Variants in TOMM20 observed in about 807,000 individuals in gnomAD.
TOMM20 encodes mitochondrial import receptor subunit TOM20 homolog.
In TOMM20, 10 loss-of-function variants were observed where a neutral mutation model predicts 22.1. The ratio of observed to expected loss-of-function variants is 0.45; its 90% CI spans 0.28 to 0.77. The LOEUF (loss-of-function observed/expected upper bound fraction) is 0.77, where lower values mean the gene tolerates loss of function less well. Ranked by LOEUF, TOMM20 falls within the 30% of genes least tolerant of loss-of-function variation. TOMM20 has a pLI of 0.13. For synonymous variants in TOMM20, 55 were observed against 61.4 expected, an observed-to-expected ratio of 0.90 and a Z score of 0.49; for missense variants, 121 against 172.2, an observed-to-expected ratio of 0.70 and a Z score of 1.66.
intron 1 of TOMM20, 59 bp downstream of exon 1, chr1:235,128,536 C>T (rs1027488456): frequency 6.2e-7 from 1 of 1,609,700 alleles, no homozygotes; most frequent in Non-Finnish European, 8.5e-7. Context: ...ATGACCCCTC[C>T]TGTGAAGGGC....
Position 235,111,212 on chromosome 1 carries a change from G to A in TOMM20, c.*852C>T, listed in dbSNP as rs1660733872. 6.6e-6 allele frequency: 1 copy of A among 152,052 alleles called. No individual in the cohort carries two copies. The highest frequency in any genetic ancestry group is 2.4e-5 in the African/African-American group (1 of 41,388). The allele number at this position is 152,052 out of a possible 1,614,324, so 9.4% of individuals were successfully genotyped here. ...TGCAAAATTCAGAATATAAAAAAAT[G>A]CAGGGCCTGGTTGCCCACATACATT... is the stretch of plus-strand genomic sequence containing the variant. On this transcript the variant is annotated 3_prime_UTR_variant, in exon 5 of 5. Coordinates refer to ENST00000366607, the MANE Select transcript of TOMM20 (RefSeq NM_014765.3).
Position 235,122,319 on chromosome 1 carries a change from C to G in TOMM20, c.168+7G>C, listed in dbSNP as rs547354170. 5.9e-6 allele frequency: 9 copies of G among 1,529,182 alleles called. No homozygotes were observed. The highest frequency in any genetic ancestry group is 7.0e-6 in the Non-Finnish European group (8 of 1,140,866). The allele number at this position is 1,529,182 out of a possible 1,614,324, so 94.7% of individuals were successfully genotyped here. ...ATATATAATTTAAACAGAAACCAGA[C>G]TATTACCTTGGAAAGCCCAGCTCTC... On this transcript the variant is annotated splice_region_variant and intron_variant, in intron 2 of 4. Transcript: ENST00000366607.
At chr1:235,122,269 G>A in intron 2 of TOMM20, 57 bp downstream of exon 2, 1 of 1,362,618 alleles carries the variant, frequency 7.3e-7, no homozygotes, top group African/African-American at 1.5e-5. Flanking sequence ...TCCAATTACA[G>A]ATTTTAAAAT....
chr1:235,116,964 T>C (rs1236289743), intron 3 of TOMM20, among the ~76,000 whole-genome samples: 5 of 147,838 alleles, frequency 3.4e-5, no homozygotes, highest in South Asian at 2.1e-4. Context: ...TGAAACCCCG[T>C]CTCTACTAAA....
intron 3 of TOMM20, among the ~76,000 whole-genome samples, chr1:235,118,044 C>G (rs1660863815): frequency 6.6e-6 from 1 of 152,218 alleles, no homozygotes; most frequent in Non-Finnish European, 1.5e-5. Context: ...AATCAAAAGA[C>G]TGGCTAAGTC....
At chr1:235,127,800 A>G (rs755365170) in intron 1 of TOMM20, 2 of 516,986 alleles carry the variant, frequency 3.9e-6, no homozygotes, top group Non-Finnish European at 3.9e-6. Context: ...GACCTCTCTT[A>G]AAAGATGTCG....
chr1:235,114,994 C>T (rs1372934016), intron 3 of TOMM20, among the ~76,000 whole-genome samples: 1 of 152,064 alleles, frequency 6.6e-6, no homozygotes, highest in African/African-American at 2.4e-5. Context: ...CTCAACCTCC[C>T]AAGTAGCTAG....
At chr1:235,112,289 A>G (rs1227738833) in intron 4 of TOMM20, among the ~76,000 whole-genome samples, 181 bp from the exon 5 acceptor site, 2 of 152,220 alleles carry the variant, frequency 1.3e-5, no homozygotes, top group Non-Finnish European at 2.9e-5. Flanking sequence ...CAATGATCAT[A>G]CTACTGACAA....
intron 4 of TOMM20, among the ~76,000 whole-genome samples, chr1:235,113,307 C>G (rs1017820699): frequency 6.6e-6 from 1 of 152,186 alleles, no homozygotes; most frequent in African/African-American, 2.4e-5. Context: ...ACCTCAGCAG[C>G]AGCAGAGGCA....
chr1:235,124,132 A>T (rs1572131410), intron 1 of TOMM20, among the ~76,000 whole-genome samples: 1 of 152,232 alleles, frequency 6.6e-6, no homozygotes, highest in Admixed American at 6.5e-5. Context: ...GGATCACTGG[A>T]GGTCAGGAGT....
chr1:235,128,739 A>G lies in TOMM20; in HGVS notation c.-24T>C, dbSNP rs200558639. 1 of 1,613,554 alleles carries G rather than the reference A, an allele frequency of 6.2e-7. No individual in the cohort carries two copies. Among genetic ancestry groups the G allele is most frequent in the Non-Finnish European group, 8.5e-7 (1 of 1,179,834 alleles). On this transcript the variant is annotated 5_prime_UTR_variant, in exon 1 of 5. Transcript: ENST00000366607. ...ATCTTCTCTACAACGCTGAGCGTGG[A>G]CGGTGGCGGCAGGGACCGCGAAGGA...
rs1454769081 is a variant in TOMM20, at chr1:235,109,986, T to C, written c.*2078A>G. The stretch of plus-strand genomic sequence containing the variant: ...GAATAGTGTTTGGCAATTACATTTC[T>C]GGGAGAAAAAACTGCTGATTTTTTC... On this transcript the variant is annotated 3_prime_UTR_variant, in exon 5 of 5. Transcript: ENST00000366607. 1 of 152,216 alleles carries C rather than the reference T, an allele frequency of 6.6e-6. No individual in the cohort carries two copies. The highest frequency in any genetic ancestry group is 1.5e-5 in the Non-Finnish European group (1 of 68,042). 9.4% of individuals were successfully genotyped at this position (152,216 alleles called of 1,614,324 possible).
intron 1 of TOMM20, chr1:235,127,895 G>T (rs756949647): frequency 1.9e-6 from 1 of 519,130 alleles, no homozygotes; most frequent in Non-Finnish European, 3.8e-6. Context: ...TCATATCTTG[G>T]AAGCACTTAG....
At chr1:235,123,872 C>T (rs1040549015) in intron 1 of TOMM20, among the ~76,000 whole-genome samples, 1 of 152,298 alleles carries the variant, frequency 6.6e-6, no homozygotes, top group South Asian at 2.1e-4. Flanking sequence ...TGCTAAATAT[C>T]GTGGTCTACA....
At chr1:235,119,067 T>A (rs1660882308) in intron 3 of TOMM20, among the ~76,000 whole-genome samples, 1 of 152,230 alleles carries the variant, frequency 6.6e-6, no homozygotes, top group Non-Finnish European at 1.5e-5. Flanking sequence ...TCTAAATCTA[T>A]TGATACAGCA....
intron 3 of TOMM20, among the ~76,000 whole-genome samples, chr1:235,116,931 C>G (rs191958632): frequency 0.014 from 2,076 of 150,014 alleles, 21 homozygotes; most frequent in Non-Finnish European, 0.021. Flanking sequence ...GTCAGGAGAT[C>G]GAGACCATCC....
intron 3 of TOMM20, among the ~76,000 whole-genome samples, chr1:235,114,773 T>C (rs1003468713): frequency 1.2e-4 from 18 of 152,264 alleles, no homozygotes; most frequent in African/African-American, 3.9e-4. Context: ...AGACATATTA[T>C]GTTTGAAAAA....
chr1:235,114,046 T>C lies in TOMM20; in HGVS notation c.251-136A>G. On this transcript the variant is annotated intron_variant, in intron 3 of 4. Coordinates refer to ENST00000366607, the MANE Select transcript of TOMM20 (RefSeq NM_014765.3). The stretch of plus-strand genomic sequence containing the variant: ...AATACTGGAAATGACCTATAATGCA[T>C]TCATATAACTATTATGAAGCTACTA... 4 of 861,680 alleles carry C rather than the reference T, an allele frequency of 4.6e-6. No homozygotes were observed. The South Asian group carries it at 8.2e-5, about 18-fold the overall frequency. The allele number at this position is 861,680 out of a possible 1,614,324, so 53.4% of individuals were successfully genotyped here.
At position 235,119,831 on chromosome 1, in the gene TOMM20, C is replaced by T. The variant is rs1177792389; in HGVS notation, c.237G>A (p.Glu79=). The change falls in exon 3 of 5, where the codon GAG becomes GAA. Residue 79 remains glutamate (E), a synonymous_variant. Transcript: ENST00000366607. ...AATGACTATTACCTTGAGCTAGTAACTCTTCACCAAGCTGTATTTCTTCAA... is the reference window on the plus strand; with the variant it reads ...AATGACTATTACCTTGAGCTAGTAATTCTTCACCAAGCTGTATTTCTTCAA... ...FFLEEIQLGE[E]LLAQGEYEKG... 1.2e-6 allele frequency: 2 copies of T among 1,611,386 alleles called. No individual in the cohort carries two copies. Among genetic ancestry groups the T allele is most frequent in the African/African-American group, 2.7e-5 (2 of 74,836 alleles).
Sources: gnomAD v4.1 joint callset for allele counts (sites outside exome capture counted in the v4.1 genomes callset) on GRCh38, gnomAD v4.1.1 for gene constraint, MANE v1.5 for transcripts, NCBI Gene and HGNC (gene_info 2026-07-23, HGNC 2026-07-21) for gene names.